LTBP2: variants seen among roughly 807,000 people sequenced by gnomAD.
The protein encoded by LTBP2 is latent-transforming growth factor beta-binding protein 2.
A neutral mutation model predicts 210.6 loss-of-function variants in LTBP2; 103 were observed. That is an observed-to-expected ratio of 0.49 (90% confidence interval 0.42 to 0.58). The LOEUF (loss-of-function observed/expected upper bound fraction) is 0.58. LTBP2 is among the 20% of genes least tolerant of loss of function. LTBP2 has a pLI of 0.00. For synonymous variants in LTBP2, 1,007 were observed against 1,015.0 expected, an observed-to-expected ratio of 0.99 and a Z score of 0.15; for missense variants, 2,313 against 2,494.5, an observed-to-expected ratio of 0.93 and a Z score of 1.55.
Position 74,552,178 on chromosome 14 carries a change from G to C in LTBP2, c.1399+9C>G. 1 of 1,589,572 alleles carries C rather than the reference G, an allele frequency of 6.3e-7. No individual in the cohort carries two copies. Among genetic ancestry groups the C allele is most frequent in the East Asian group, 2.3e-5 (1 of 43,330 alleles). ...AGGGTCCCGCCGGCCCAGCTGTGCC[G>C]GCACTCACCCAGCTGGTTGGAGAGC... is the stretch of plus-strand genomic sequence containing the variant. On this transcript the variant is annotated intron_variant, in intron 6 of 35. Transcript: ENST00000261978.
chr14:74,579,115 C>T (rs1188139637), intron 3 of LTBP2, among the ~76,000 whole-genome samples: 1 of 152,198 alleles, frequency 6.6e-6, no homozygotes, highest in Non-Finnish European at 1.5e-5. Context: ...CCTCTGCCTC[C>T]CAAAGTGCTG....
At chr14:74,504,674 G>T (rs1394213750) in intron 30 of LTBP2, 104 bp downstream of exon 30, 13 of 1,117,684 alleles carry the variant, frequency 1.2e-5, no homozygotes, top group Admixed American at 5.1e-5. Flanking sequence ...GAGGCAACCT[G>T]CGAGGCCAGG....
chr14:74,584,773 C>T (rs1175958383), intron 3 of LTBP2, among the ~76,000 whole-genome samples: 2 of 152,172 alleles, frequency 1.3e-5, no homozygotes, highest in African/African-American at 2.4e-5. Context: ...ACCAGGGCCC[C>T]GGAACCCAGC....
Position 74,509,362 on chromosome 14 carries a change from G to C in LTBP2, c.3279C>G (p.Asp1093Glu). Residue 1093 changes from aspartate (D) to glutamate (E), a missense_variant and splice_region_variant, in exon 22 of 36, where the codon GAC (aspartate) becomes GAG (glutamate). Physicochemically the swap from Asp to Glu is conservative, Grantham distance 45. This residue lies in a region of LTBP2 where 1,867 missense variants were observed against 1,976.9 expected (regional missense o/e 0.94). Transcript: ENST00000261978. ...CTCCCGGGAAGGCACACTCATCTAG[G>C]TCTGCAGACAGACAGCGCTCGCCCG... ...WVNEDGTACE[D>E]LDECAFPGVC... 1 of 1,612,704 alleles carries C rather than the reference G, an allele frequency of 6.2e-7. No homozygotes were observed. Among genetic ancestry groups the C allele is most frequent in the Non-Finnish European group, 8.5e-7 (1 of 1,179,694 alleles).
intron 1 of LTBP2, among the ~76,000 whole-genome samples, chr14:74,607,921 T>G (rs1047846205): frequency 4.0e-5 from 6 of 151,798 alleles, no homozygotes; most frequent in South Asian, 2.1e-4. Flanking sequence ...TATGTTTTTT[T>G]TTTTTTTTTT....
At chr14:74,602,390 C>CAGT (rs528126785) in intron 2 of LTBP2, among the ~76,000 whole-genome samples, 2,058 of 152,324 alleles carry the variant, frequency 0.014, 24 homozygotes, top group Admixed American at 0.037. Context: ...GTAGCAGTAG[C>CAGT]AGCAGCAGTG....
At chr14:74,554,349 A>T (rs111850609) in intron 4 of LTBP2, among the ~76,000 whole-genome samples, 1 of 152,040 alleles carries the variant, frequency 6.6e-6, no homozygotes, top group Non-Finnish European at 1.5e-5. Flanking sequence ...ACATTTAAAA[A>T]TTAGCTGGGC....
intron 8 of LTBP2, among the ~76,000 whole-genome samples, chr14:74,540,781 T>A (rs1595263114): frequency 3.0e-5 from 1 of 33,832 alleles, no homozygotes; most frequent in East Asian, 4.3e-4. Context: ...TATATATATA[T>A]ATTATATATA....
intron 10 of LTBP2, among the ~76,000 whole-genome samples, chr14:74,530,566 A>G (rs1055570707): frequency 6.6e-6 from 1 of 152,240 alleles, no homozygotes; most frequent in African/African-American, 2.4e-5. Context: ...CCCAGGCTGC[A>G]GTATAGTGGC....
chr14:74,513,003 G>A (rs1468786513), intron 18 of LTBP2, among the ~76,000 whole-genome samples: 1 of 152,202 alleles, frequency 6.6e-6, no homozygotes, highest in Non-Finnish European at 1.5e-5. Context: ...GATGCCAGAT[G>A]ATCTCTTCCA....
rs2088606527 is a variant in LTBP2 at position 74,611,460 on chromosome 14, C to T, written c.485G>A (p.Arg162Gln). ...GAAPPTPPRG[R>Q]LTGRNVCGGQ... ...CCTCTCCCATGCTCACCCCGTGAGC[C>T]GCCCTCGCGGCGGGGTTGGGGGCGC... The change falls in exon 1 of 36, where the codon CGG becomes CAG. Residue 162 changes from arginine (R) to glutamine (Q), a missense_variant. By Grantham distance (43) the Arg-to-Gln change is conservative (BLOSUM62 1). Transcript: ENST00000261978. 6 of 1,491,616 alleles carry T rather than the reference C, an allele frequency of 4.0e-6. No individual in the cohort carries two copies. Among genetic ancestry groups the T allele is most frequent in the Admixed American group, 2.4e-5 (1 of 41,230 alleles). The allele number at this position is 1,491,616 out of a possible 1,614,324, so 92.4% of individuals were successfully genotyped here. A position where few individuals can be genotyped will look rare whatever the true frequency, so the allele number is the denominator to read the frequency against.
chr14:74,567,135 T>G (rs905170569), intron 3 of LTBP2, among the ~76,000 whole-genome samples: 1 of 152,074 alleles, frequency 6.6e-6, no homozygotes, highest in Non-Finnish European at 1.5e-5. Flanking sequence ...TCGGGGTTAA[T>G]GTCAGGGAGG....
chr14:74,604,898 G>A (rs980069292), intron 1 of LTBP2, among the ~76,000 whole-genome samples: 3 of 152,176 alleles, frequency 2.0e-5, no homozygotes, highest in Non-Finnish European at 2.9e-5. Flanking sequence ...GGTGTCTGGC[G>A]CACTCCAGCA....
chr14:74,518,503 A>G (rs2087162877), intron 17 of LTBP2, among the ~76,000 whole-genome samples: 1 of 151,758 alleles, frequency 6.6e-6, no homozygotes, highest in Non-Finnish European at 1.5e-5. Context: ...ACTGCCTCCC[A>G]CTTATCTCCA....
intron 17 of LTBP2, among the ~76,000 whole-genome samples, chr14:74,520,223 C>A (rs901587511): frequency 6.6e-6 from 1 of 152,240 alleles, no homozygotes; most frequent in African/African-American, 2.4e-5. Flanking sequence ...TCTGCTCCCT[C>A]AATTCCTATT....
intron 34 of LTBP2, chr14:74,501,879 G>C: frequency 2.0e-6 from 1 of 503,604 alleles, no homozygotes; most frequent in East Asian, 3.6e-5. Flanking sequence ...GCTGGGGTTT[G>C]GGTGGTCGAG....
intron 2 of LTBP2, among the ~76,000 whole-genome samples, chr14:74,588,765 GTGAC>G (rs2088243264): frequency 1.3e-5 from 2 of 152,210 alleles, no homozygotes. Flanking sequence ...TGCAGCAGGT[GTGAC>G]TATGATTCCC....
At chr14:74,531,706 C>T (rs991736183) in intron 10 of LTBP2, among the ~76,000 whole-genome samples, 4 of 152,228 alleles carry the variant, frequency 2.6e-5, no homozygotes, top group South Asian at 4.1e-4. Flanking sequence ...CATCCAACCT[C>T]GGCTGCTGCC....
At chr14:74,508,806 A>G (rs752331195) in intron 23 of LTBP2, 24 bp downstream of exon 23, 2 of 1,613,190 alleles carry the variant, frequency 1.2e-6, no homozygotes, top group Non-Finnish European at 1.7e-6. Flanking sequence ...CCCCACCCCC[A>G]GTAGGGTGAC....
Sources: gnomAD v4.1 joint callset for allele counts (sites outside exome capture counted in the v4.1 genomes callset) on GRCh38, gnomAD v4.1.1 for gene constraint, gnomAD v4.1.1 regional missense constraint, MANE v1.5 for transcripts, NCBI Gene and HGNC (gene_info 2026-07-23, HGNC 2026-07-21) for gene names.